OPRM1: variants seen among roughly 807,000 people sequenced by gnomAD.
OPRM1 encodes the protein mu-type opioid receptor.
OPRM1 carries 27 observed loss-of-function variants against 31.8 expected under a neutral mutation model. That is an observed-to-expected ratio of 0.85 (90% CI 0.63 to 1.17). The LOEUF (loss-of-function observed/expected upper bound fraction) is 1.17. Among genes scored for constraint, OPRM1 ranks in the 50% most tolerant of loss-of-function variants. The pLI is 0.00. For missense variants in OPRM1, 536 were observed against 511.1 expected, an observed-to-expected ratio of 1.05 and a Z score of -0.47; for synonymous variants, 196 against 189.9, an observed-to-expected ratio of 1.03 and a Z score of -0.26.
At chr6:154,209,386 T>G (rs769747148) in intron 3 of OPRM1, among the ~76,000 whole-genome samples, 2 of 152,112 alleles carry the variant, frequency 1.3e-5, no homozygotes, top group African/African-American at 2.4e-5. Flanking sequence ...TGCAGTGGCT[T>G]ACGCTTGTAA....
intron 3 of OPRM1, among the ~76,000 whole-genome samples, chr6:154,137,739 C>G (rs1012936674): frequency 6.6e-6 from 1 of 152,116 alleles, no homozygotes; most frequent in Non-Finnish European, 1.5e-5. Flanking sequence ...CAGAAGGAAA[C>G]ACCATTTCAG....
At chr6:154,208,215 A>C (rs1777660578) in intron 3 of OPRM1, among the ~76,000 whole-genome samples, 1 of 103,876 alleles carries the variant, frequency 9.6e-6, no homozygotes. Flanking sequence ...TTCATTTCCT[A>C]CTACTCTCAT....
In OPRM1 at chr6:154,125,259, T is replaced by C. The variant is rs2128529295; in HGVS notation, c.*6538T>C. Among the ~76,000 whole-genome samples the C allele has an allele frequency of 6.6e-6, 1 of 152,340 alleles. No individual in the cohort carries two copies. The highest frequency in any genetic ancestry group is 3.4e-3 in the Middle Eastern group (1 of 294). On this transcript the variant is annotated 3_prime_UTR_variant, in exon 4 of 4. Coordinates refer to ENST00000330432, the MANE Select transcript of OPRM1 (RefSeq NM_000914.5). Reference sequence around the variant, plus strand: ...CCCATGTAAGGGGCTACTGACAATTTTGATGGTACCTGAATTTGCCTCTAT... The same window carrying C: ...CCCATGTAAGGGGCTACTGACAATTCTGATGGTACCTGAATTTGCCTCTAT...
intron 3 of OPRM1, among the ~76,000 whole-genome samples, chr6:154,166,885 G>A (rs938603158): frequency 2.0e-5 from 3 of 152,010 alleles, no homozygotes; most frequent in Non-Finnish European, 2.9e-5. Context: ...TTTTATTATC[G>A]ATAAAAATTT....
chr6:154,194,312 T>A (rs755132202), intron 3 of OPRM1, among the ~76,000 whole-genome samples: 6 of 152,178 alleles, frequency 3.9e-5, no homozygotes, highest in Non-Finnish European at 8.8e-5. Context: ...GGCAGGAGAA[T>A]CACTTGAACG....
intron 1 of OPRM1, among the ~76,000 whole-genome samples, chr6:154,070,405 T>A (rs1330519786): frequency 1.3e-5 from 2 of 152,256 alleles, no homozygotes; most frequent in Non-Finnish European, 2.9e-5. Flanking sequence ...GGGAGACAGA[T>A]TCTTGATGCT....
intron 1 of OPRM1, among the ~76,000 whole-genome samples, chr6:154,019,582 A>G (rs1174247771): frequency 2.0e-5 from 3 of 151,854 alleles, no homozygotes; most frequent in East Asian, 1.9e-4. Context: ...TCTCACAACC[A>G]TTGACTTTTC....
chr6:154,050,401 A>G (rs1781952511), intron 1 of OPRM1, among the ~76,000 whole-genome samples: 2 of 152,198 alleles, frequency 1.3e-5, no homozygotes, highest in African/African-American at 4.8e-5. Context: ...ACACAATGGT[A>G]TACTACTATT....
chr6:154,212,676 A>G lies in OPRM1; in HGVS notation c.1165-34017A>G, dbSNP rs189986114. ...GGTATCTTAATTTAGCCCATTCTAA[A>G]AATTTATTGGTCAAGCTACTTCCTA... On this transcript the variant is annotated intron_variant, in intron 3 of 3. Transcript: ENST00000337049. The G allele has an allele frequency of 7.2e-5, 59 of 818,492 alleles. No individual in the cohort carries two copies. The East Asian group carries it at 1.5e-3, about 21-fold the overall frequency. 50.7% of individuals were successfully genotyped at this position (818,492 alleles called of 1,614,324 possible). A position where few individuals can be genotyped will look rare whatever the true frequency, so the allele number is the denominator to read the frequency against.
At chr6:154,033,804 C>T (rs890931419) in intron 1 of OPRM1, among the ~76,000 whole-genome samples, 8 of 152,178 alleles carry the variant, frequency 5.3e-5, no homozygotes, top group African/African-American at 1.9e-4. Flanking sequence ...GTCTCTAAGA[C>T]TCTTTCCATG....
intron 3 of OPRM1, among the ~76,000 whole-genome samples, chr6:154,185,301 A>T (rs1801241473): frequency 6.6e-6 from 1 of 152,184 alleles, no homozygotes; most frequent in Non-Finnish European, 1.5e-5. Context: ...CTAAGTGTTC[A>T]AACTGCCAAG....
At chr6:154,076,104 T>C (rs1425561280) in intron 1 of OPRM1, among the ~76,000 whole-genome samples, 1 of 152,248 alleles carries the variant, frequency 6.6e-6, no homozygotes, top group African/African-American at 2.4e-5. Context: ...TGTGTATTTA[T>C]ACAGTAAGCA....
chr6:154,224,053 G>A (rs899645853), intron 3 of OPRM1, among the ~76,000 whole-genome samples: 3 of 152,202 alleles, frequency 2.0e-5, no homozygotes, highest in Non-Finnish European at 4.4e-5. Context: ...AACAAAGCTA[G>A]ATTGTTCGTC....
downstream of OPRM1, among the ~76,000 whole-genome samples, chr6:154,132,892 T>C (rs531142959): frequency 2.6e-4 from 39 of 152,072 alleles, no homozygotes; most frequent in Non-Finnish European, 4.0e-4. Flanking sequence ...GAGCCTGAGG[T>C]GGGTGGATCA....
chr6:154,091,686 A>G (rs1792274899), intron 3 of OPRM1: 1 of 1,317,028 alleles, frequency 7.6e-7, no homozygotes. Context: ...AAGATACACC[A>G]ATGAGAAATC....
At chr6:154,178,474 A>T (rs1751447290) in intron 3 of OPRM1, among the ~76,000 whole-genome samples, 1 of 152,140 alleles carries the variant, frequency 6.6e-6, no homozygotes, top group East Asian at 1.9e-4. Context: ...TATGACCTTT[A>T]TGTTAAAAAT....
chr6:154,019,734 T>C (rs932004915), intron 1 of OPRM1, among the ~76,000 whole-genome samples: 2 of 143,596 alleles, frequency 1.4e-5, no homozygotes, highest in African/African-American at 5.7e-5. Context: ...GTGGCTTTCT[T>C]TTCTTTTCTT....
At chr6:154,015,678 T>G (rs1777964644) in intron 1 of OPRM1, among the ~76,000 whole-genome samples, 1 of 151,926 alleles carries the variant, frequency 6.6e-6, no homozygotes. Flanking sequence ...AAAAAGATAT[T>G]TTTGGTATGG....
At chr6:154,037,217 T>G (rs1779357729), upstream of OPRM1, among the ~76,000 whole-genome samples, 1 of 152,056 alleles carries the variant, frequency 6.6e-6, no homozygotes, top group African/African-American at 2.4e-5. Context: ...ATCCATCTTT[T>G]TAAACTCCAG....
Sources: gnomAD v4.1 joint callset for allele counts (sites outside exome capture counted in the v4.1 genomes callset) on GRCh38, gnomAD v4.1.1 for gene constraint, MANE v1.5 for transcripts, NCBI Gene and HGNC (gene_info 2026-07-23, HGNC 2026-07-21) for gene names.